PHIP: variants seen among roughly 807,000 people sequenced by gnomAD.
PHIP encodes PH-interacting protein.
PHIP carries 54 observed loss-of-function variants against 236.8 expected under a neutral mutation model. The observed-to-expected ratio is 0.23, with a 90% CI of 0.18 to 0.29. The LOEUF is 0.29. PHIP is among the 10% of genes least tolerant of loss of function. The pLI, the probability that PHIP is intolerant of heterozygous loss-of-function variation, is 1.00. For synonymous variants in PHIP, 756 were observed against 718.9 expected, an observed-to-expected ratio of 1.05 and a Z score of -0.83; for missense variants, 1,370 against 2,190.8, an observed-to-expected ratio of 0.63 and a Z score of 7.48.
chr6:79,046,222 T>C (rs1260972716), intron 6 of PHIP, among the ~76,000 whole-genome samples: 1 of 152,170 alleles, frequency 6.6e-6, no homozygotes, highest in Non-Finnish European at 1.5e-5. Flanking sequence ...GCACTGGCTG[T>C]TCCCTCTTCA....
chr6:78,945,852 CT>C (rs898858795), intron 38 of PHIP, 148 bp downstream of exon 38: 8 of 659,970 alleles, frequency 1.2e-5, no homozygotes, highest in Non-Finnish European at 2.1e-5. Context: ...TTATTAAAAA[CT>C]TTTTTTTAAA....
rs548753830 is a variant in PHIP, at chr6:78,967,668, T to C, written c.3206-1612A>G. On this transcript the variant is annotated intron_variant, in intron 27 of 39. Coordinates refer to ENST00000275034, the MANE Select transcript of PHIP (RefSeq NM_017934.7). ...TATTAACCCATAAATTAGAATAAAA[T>C]TGTAAGATCCAAATGAGAAAATTAT... 7.2e-5 allele frequency among the ~76,000 whole-genome samples: 11 copies of C among 152,274 alleles called. No homozygotes were observed. The South Asian group carries it at 2.3e-3, about 32-fold the overall frequency.
At chr6:78,983,894 A>C (rs1482121209) in intron 22 of PHIP, among the ~76,000 whole-genome samples, 1 of 152,176 alleles carries the variant, frequency 6.6e-6, no homozygotes, top group Non-Finnish European at 1.5e-5. Context: ...ATGTTGCAAA[A>C]TAAAGAATCT....
rs1249926746 is a variant in PHIP at position 78,940,768 on chromosome 6, TAA to T, written c.5389_5390del (p.Leu1797AsnfsTer6). The T allele has an allele frequency of 6.2e-7, 1 of 1,613,820 alleles. No individual in the cohort carries two copies. On this transcript the variant is annotated frameshift_variant, in exon 40 of 40. Coordinates refer to ENST00000275034, the MANE Select transcript of PHIP (RefSeq NM_017934.7). LOFTEE classifies it high-confidence loss of function. ...GTCCTCTACTAGAAGTTCCAAAAGT[TAA>T]AGAGGTGTCTTCGAACAACAGCTGC... ...QRQLLFEDTS[L>X]TFGTSSRGRV... is the part of the protein sequence containing the mutation.
chr6:78,982,800 A>G, intron 23 of PHIP, 86 bp downstream of exon 23: 1 of 787,360 alleles, frequency 1.3e-6, no homozygotes, highest in South Asian at 2.0e-5. Context: ...ACACTTCAAC[A>G]ATGTTTGTGA....
Position 78,937,302 on chromosome 6 carries a change from A to G in PHIP, c.*3391T>C, listed in dbSNP as rs1307670153. 3.3e-5 allele frequency: 5 copies of G among 151,778 alleles called. No individual in the cohort carries two copies. Among genetic ancestry groups the G allele is most frequent in the Admixed American group, 3.3e-4 (5 of 15,252 alleles). The allele number at this position is 151,778 out of a possible 1,614,324, so 9.4% of individuals were successfully genotyped here. On this transcript the variant is annotated 3_prime_UTR_variant, in exon 40 of 40. Transcript: ENST00000275034. Reference sequence around the variant, plus strand: ...AAATGGAATGTCAGAATTGAAGTAAACATTGTTAACTGGAGAAATTAATTT... The same window carrying G: ...AAATGGAATGTCAGAATTGAAGTAAGCATTGTTAACTGGAGAAATTAATTT...
chr6:78,970,287 G>T lies in PHIP; in HGVS notation c.2998-114C>A, dbSNP rs558373479. 2,211 of 803,170 alleles carry T rather than the reference G, an allele frequency of 2.8e-3. 18 individuals are homozygous for T. Among genetic ancestry groups the T allele is most frequent in the Non-Finnish European group, 2.1e-3 (1,073 of 503,620 alleles). 49.8% of individuals were successfully genotyped at this position (803,170 alleles called of 1,614,324 possible). A position where few individuals can be genotyped will look rare whatever the true frequency, so the allele number is the denominator to read the frequency against. On this transcript the variant is annotated intron_variant, in intron 25 of 39. Coordinates refer to ENST00000275034, the MANE Select transcript of PHIP (RefSeq NM_017934.7). ...TTTAAATCTTGATCTGGATGGTGAT[G>T]ACTGTGTACATGTAAAAATTCACTG...
rs192726853 is a variant in PHIP at position 78,983,377 on chromosome 6, C to T, written c.2538-260G>A. 1.7e-3 allele frequency among the ~76,000 whole-genome samples: 257 copies of T among 152,100 alleles called. 1 individual carries two copies. The highest frequency in any genetic ancestry group is 2.7e-3 in the South Asian group (13 of 4,816). On this transcript the variant is annotated intron_variant, in intron 22 of 39. Transcript: ENST00000275034. ...TTAAGTGAAAAAACAAATTTAAGTACCTTCCAAGATTTTAAGAAAAATACT... is the reference window on the plus strand; with the variant it reads ...TTAAGTGAAAAAACAAATTTAAGTATCTTCCAAGATTTTAAGAAAAATACT...
chr6:78,993,538 C>T (rs901889848), intron 19 of PHIP, among the ~76,000 whole-genome samples: 1 of 152,144 alleles, frequency 6.6e-6, no homozygotes. Context: ...ATTTATCATT[C>T]CAAAAATCCT....
intron 6 of PHIP, among the ~76,000 whole-genome samples, chr6:79,059,826 C>A (rs1773276470): frequency 6.6e-6 from 1 of 151,540 alleles, no homozygotes; most frequent in Admixed American, 6.6e-5. Context: ...AAGTACAACA[C>A]TATTAAAATA....
At chr6:79,077,302 C>G in intron 4 of PHIP, 146 bp downstream of exon 4, 1 of 784,172 alleles carries the variant, frequency 1.3e-6, no homozygotes, top group Non-Finnish European at 2.2e-6. Context: ...CCCGCAGACC[C>G]CGCGCCGGCC....
chr6:79,039,624 A>C (rs942437482), intron 7 of PHIP, among the ~76,000 whole-genome samples: 6 of 152,188 alleles, frequency 3.9e-5, no homozygotes, highest in African/African-American at 1.4e-4. Flanking sequence ...AGTTCATTAA[A>C]GGAATGCATA....
At chr6:79,013,135 T>C (rs78148933) in intron 15 of PHIP, among the ~76,000 whole-genome samples, 3,796 of 151,834 alleles carry the variant, frequency 0.025, 157 homozygotes, top group African/African-American at 0.086. Flanking sequence ...CTCTGTAATG[T>C]ACAGTTTCTC....
chr6:78,995,901 GT>G (rs1228613370), intron 19 of PHIP, among the ~76,000 whole-genome samples: 1 of 152,180 alleles, frequency 6.6e-6, no homozygotes. Flanking sequence ...TGAGTACAAA[GT>G]TTTAGAGACA....
rs577576905 is a variant in PHIP, at chr6:78,947,949, A to G, written c.4054-174T>C. Among the ~76,000 whole-genome samples the G allele has an allele frequency of 3.1e-5, 4 of 128,812 alleles. No homozygotes were observed. The Admixed American group carries it at 3.2e-4, about 10-fold the overall frequency. The allele number at this position is 128,812 out of a possible 152,430, so 84.5% of individuals were successfully genotyped here. A position where few individuals can be genotyped will look rare whatever the true frequency, so the allele number is the denominator to read the frequency against. On this transcript the variant is annotated intron_variant, in intron 35 of 39. Transcript: ENST00000275034. ...TTCTAATAATTCTTATTTATTTCAT[A>G]CTCCCCCCCCTTATACTGCAATCAA...
intron 4 of PHIP, chr6:79,067,917 CTG>C (rs759974704): frequency 5.9e-5 from 9 of 152,810 alleles, no homozygotes; most frequent in Non-Finnish European, 1.3e-4. Flanking sequence ...AAACAAGAAA[CTG>C]AGCTCTTTGA....
At chr6:79,060,165 A>G (rs1394365017) in intron 6 of PHIP, among the ~76,000 whole-genome samples, 5 of 152,038 alleles carry the variant, frequency 3.3e-5, no homozygotes, top group African/African-American at 1.2e-4. Flanking sequence ...TCCTACCATT[A>G]TAACTAATCT....
chr6:78,966,151 G>A (rs774278052), intron 27 of PHIP, 95 bp from the exon 28 acceptor site: 10 of 748,380 alleles, frequency 1.3e-5, no homozygotes, highest in Non-Finnish European at 2.1e-5. Flanking sequence ...TAAACTGCCT[G>A]TATGATTTCA....
chr6:79,056,623 AG>A, intron 6 of PHIP, among the ~76,000 whole-genome samples: 1 of 152,250 alleles, frequency 6.6e-6, no homozygotes. Flanking sequence ...TAGCAAGCAG[AG>A]GCCAGGGATG....
Sources: allele counts gnomAD v4.1 joint callset (sites outside exome capture counted in the v4.1 genomes callset), GRCh38; gene constraint gnomAD v4.1.1; transcripts MANE v1.5; gene names NCBI Gene and HGNC (gene_info 2026-07-23, HGNC 2026-07-21).